ERC2: variants seen among roughly 807,000 people sequenced by gnomAD.
ERC2 encodes the protein ELKS/RAB6-interacting/CAST family member 2.
In ERC2, 42 loss-of-function variants were observed where a neutral mutation model predicts 114.8. The ratio of observed to expected loss-of-function variants is 0.37; its 90% CI spans 0.29 to 0.47. The LOEUF is 0.47. Among genes scored for constraint, ERC2 ranks in the 20% least tolerant of loss-of-function variants. The pLI, the probability that ERC2 is intolerant of heterozygous loss-of-function variation, is 0.99. For missense variants in ERC2, 939 were observed against 1,150.7 expected, an observed-to-expected ratio of 0.82 and a Z score of 2.66; for synonymous variants, 454 against 425.5, an observed-to-expected ratio of 1.07 and a Z score of -0.82.
At chr3:55,693,979 G>T (rs1039564648) in intron 16 of ERC2, among the ~76,000 whole-genome samples, 1 of 152,212 alleles carries the variant, frequency 6.6e-6, no homozygotes, top group Non-Finnish European at 1.5e-5. Context: ...AATGTGTTGG[G>T]ATTACAGGTG....
intron 17 of ERC2, 142 bp downstream of exon 17, chr3:55,683,652 C>T (rs1035076215): frequency 3.0e-5 from 20 of 664,356 alleles, no homozygotes; most frequent in Admixed American, 1.5e-4. Flanking sequence ...GGTCAGGGCA[C>T]GCGGACATTC....
chr3:56,100,194 C>T (rs1454546436), intron 6 of ERC2, among the ~76,000 whole-genome samples: 51 of 152,086 alleles, frequency 3.4e-4, no homozygotes, highest in Non-Finnish European at 1.5e-5. Flanking sequence ...GAAAATGCTG[C>T]ATTTGAATAA....
intron 14 of ERC2, among the ~76,000 whole-genome samples, chr3:55,826,715 G>GT (rs2060340561): frequency 6.6e-6 from 1 of 152,122 alleles, no homozygotes; most frequent in Non-Finnish European, 1.5e-5. Flanking sequence ...TTCCACTTCA[G>GT]TTTTTTCTCC....
intron 17 of ERC2, among the ~76,000 whole-genome samples, chr3:55,593,992 A>C (rs1002259947): frequency 9.2e-5 from 14 of 152,286 alleles, no homozygotes; most frequent in Admixed American, 7.2e-4. Context: ...GGTCCTGCCC[A>C]GCCTTCTTCA....
chr3:56,314,359 A>G (rs2056765337), intron 2 of ERC2, among the ~76,000 whole-genome samples: 1 of 152,194 alleles, frequency 6.6e-6, no homozygotes. Flanking sequence ...CACATGCCCA[A>G]TACTTACTTA....
chr3:56,367,022 C>T (rs1216861558), intron 2 of ERC2, among the ~76,000 whole-genome samples: 2 of 152,174 alleles, frequency 1.3e-5, no homozygotes, highest in African/African-American at 4.8e-5. Flanking sequence ...ACAAGCATCA[C>T]TTTCACCAAC....
chr3:56,413,421 C>T (rs954609776), intron 2 of ERC2, among the ~76,000 whole-genome samples: 5 of 152,216 alleles, frequency 3.3e-5, no homozygotes, highest in Admixed American at 6.5e-5. Context: ...GGTCAGCGCA[C>T]AGCAGGTATG....
chr3:55,555,918 CA>C (rs1466573616), intron 17 of ERC2, among the ~76,000 whole-genome samples: 1 of 152,158 alleles, frequency 6.6e-6, no homozygotes, highest in East Asian at 1.9e-4. Context: ...TCAATAATTC[CA>C]AAGTGACTGT....
intron 6 of ERC2, among the ~76,000 whole-genome samples, chr3:56,111,716 T>C (rs1032454718): frequency 5.9e-5 from 9 of 152,176 alleles, no homozygotes; most frequent in South Asian, 4.1e-4. Flanking sequence ...TACCTAACTT[T>C]ACAACAGCCA....
intron 2 of ERC2, among the ~76,000 whole-genome samples, chr3:56,385,564 T>C (rs1166738858): frequency 1.3e-5 from 2 of 152,204 alleles, no homozygotes; most frequent in African/African-American, 4.8e-5. Context: ...TATGTGTTTC[T>C]TAAATGCCTT....
At chr3:55,821,609 T>C (rs762196520) in intron 14 of ERC2, among the ~76,000 whole-genome samples, 29 of 152,224 alleles carry the variant, frequency 1.9e-4, no homozygotes, top group Non-Finnish European at 3.4e-4. Flanking sequence ...AAAAGAAACC[T>C]AACTTGTTTT....
At chr3:55,754,199 A>G (rs2066905225) in intron 14 of ERC2, among the ~76,000 whole-genome samples, 3 of 151,712 alleles carry the variant, frequency 2.0e-5, no homozygotes, top group East Asian at 1.9e-4. Context: ...TGAGAAAACT[A>G]TTTAAAAAAC....
At chr3:56,404,439 T>A (rs1056126808) in intron 2 of ERC2, among the ~76,000 whole-genome samples, 1 of 152,012 alleles carries the variant, frequency 6.6e-6, no homozygotes, top group African/African-American at 2.4e-5. Context: ...AAAAGGCAAC[T>A]TGGGTAAATC....
chr3:55,969,369 G>A (rs1391338417), intron 12 of ERC2, among the ~76,000 whole-genome samples: 4 of 148,586 alleles, frequency 2.7e-5, no homozygotes, highest in African/African-American at 9.9e-5. Context: ...CTGGAAAGTC[G>A]CTGGTCAGGA....
chr3:56,064,627 G>C (rs778511162), intron 7 of ERC2, among the ~76,000 whole-genome samples: 26 of 152,198 alleles, frequency 1.7e-4, no homozygotes, highest in Non-Finnish European at 3.2e-4. Flanking sequence ...GCACCAGAAA[G>C]GATGTCTGAG....
intron 11 of ERC2, among the ~76,000 whole-genome samples, chr3:55,991,526 T>C (rs981004624): frequency 2.0e-5 from 3 of 152,224 alleles, no homozygotes; most frequent in Non-Finnish European, 4.4e-5. Flanking sequence ...TTCAAGTATA[T>C]GTATTTAAAA....
chr3:55,694,480 A>G (rs1167836809), intron 16 of ERC2, among the ~76,000 whole-genome samples: 1 of 152,236 alleles, frequency 6.6e-6, no homozygotes, highest in Non-Finnish European at 1.5e-5. Context: ...TCCTAAACTC[A>G]TAGCCCTCAT....
chr3:55,512,937 A>G (rs2052196152), intron 17 of ERC2, among the ~76,000 whole-genome samples: 1 of 152,240 alleles, frequency 6.6e-6, no homozygotes, highest in Admixed American at 6.5e-5. Context: ...AGAAATGCAG[A>G]TGATCCCTTC....
At chr3:55,870,146 C>T (rs1418169599) in intron 14 of ERC2, among the ~76,000 whole-genome samples, 2 of 152,034 alleles carry the variant, frequency 1.3e-5, no homozygotes, top group Admixed American at 1.3e-4. Context: ...ATGATCTCAG[C>T]TCACTGCAAC....
Sources: gnomAD v4.1 joint callset for allele counts (sites outside exome capture counted in the v4.1 genomes callset) on GRCh38, gnomAD v4.1.1 for gene constraint, MANE v1.5 for transcripts, NCBI Gene and HGNC (gene_info 2026-07-23, HGNC 2026-07-21) for gene names.